The following PLXNA4 variants were observed in gnomAD, a reference collection of about 807,000 sequenced individuals.
PLXNA4 encodes plexin A4, also known as plexin-A4.
A neutral mutation model predicts 191.8 loss-of-function variants in PLXNA4; 44 were observed. That is an observed-to-expected ratio of 0.23 (90% CI 0.18 to 0.29). PLXNA4 has a LOEUF of 0.29. Ranked by LOEUF, PLXNA4 falls within the 10% of genes least tolerant of loss-of-function variation. The probability of loss-of-function intolerance (pLI) is 1.00; values close to 1 mark genes in which losing one functional copy is unlikely to be tolerated. For missense variants in PLXNA4, 1,800 were observed against 2,488.8 expected, an observed-to-expected ratio of 0.72 and a Z score of 5.89; for synonymous variants, 1,082 against 1,009.5, an observed-to-expected ratio of 1.07 and a Z score of -1.36.
chr7:132,301,355 G>A (rs1801299225), intron 3 of PLXNA4, among the ~76,000 whole-genome samples: 1 of 152,158 alleles, frequency 6.6e-6, no homozygotes, highest in African/African-American at 2.4e-5. Context: ...TAGAACAAGA[G>A]CTGTTATTTA....
chr7:132,125,458 TC>T lies in PLXNA4; in HGVS notation c.*5020del, dbSNP rs1486000302. On this transcript the variant is annotated 3_prime_UTR_variant, in exon 32 of 32. Transcript: ENST00000321063. ...CTCCTGTCCTCTGAACCTCTCCTCA[TC>T]CCCTTGGAAGTCATAGGTTTTGCTC... 1 of 151,932 alleles carries T rather than the reference TC, an allele frequency of 6.6e-6. No homozygotes were observed. The highest frequency in any genetic ancestry group is 1.5e-5 in the Non-Finnish European group (1 of 67,976). 9.4% of individuals were successfully genotyped at this position (151,932 alleles called of 1,614,324 possible).
At chr7:132,481,886 G>A (rs1585200391) in intron 3 of PLXNA4, among the ~76,000 whole-genome samples, 1 of 152,224 alleles carries the variant, frequency 6.6e-6, no homozygotes, top group South Asian at 2.1e-4. Context: ...CCCTGGTCCT[G>A]TGGGTGTGGC....
chr7:132,457,131 C>G (rs550150253), intron 3 of PLXNA4, among the ~76,000 whole-genome samples: 2 of 152,290 alleles, frequency 1.3e-5, no homozygotes, highest in African/African-American at 4.8e-5. Context: ...TATCCCACAC[C>G]CAGCTTCCCC....
At chr7:132,162,603 C>T (rs1795982971) in intron 24 of PLXNA4, among the ~76,000 whole-genome samples, 1 of 152,130 alleles carries the variant, frequency 6.6e-6, no homozygotes, top group South Asian at 2.1e-4. Flanking sequence ...ACTTCTATCT[C>T]ATTAAGAAAT....
chr7:132,149,728 G>A (rs13228273), intron 25 of PLXNA4, among the ~76,000 whole-genome samples: 3,719 of 152,268 alleles, frequency 0.024, 58 homozygotes, highest in South Asian at 0.032. Context: ...TCAGAGTGTC[G>A]TTAGTTGCTG....
At chr7:132,343,629 C>T (rs983455357) in intron 3 of PLXNA4, among the ~76,000 whole-genome samples, 1 of 152,206 alleles carries the variant, frequency 6.6e-6, no homozygotes, top group Non-Finnish European at 1.5e-5. Flanking sequence ...CCTTAGAACA[C>T]TCAATGTGGC....
At chr7:132,545,100 A>G (rs1367454857) in intron 1 of PLXNA4, among the ~76,000 whole-genome samples, 1 of 151,824 alleles carries the variant, frequency 6.6e-6, no homozygotes, top group Non-Finnish European at 1.5e-5. Context: ...CTGTACCAGG[A>G]CTCCTCTCCG....
At chr7:132,340,093 T>C (rs1563044980) in intron 3 of PLXNA4, among the ~76,000 whole-genome samples, 1 of 152,182 alleles carries the variant, frequency 6.6e-6, no homozygotes, top group Non-Finnish European at 1.5e-5. Context: ...ATTCTCTAGG[T>C]CTCATTCACA....
At chr7:132,200,439 C>G (rs1797395514) in intron 12 of PLXNA4, among the ~76,000 whole-genome samples, 1 of 152,176 alleles carries the variant, frequency 6.6e-6, no homozygotes. Flanking sequence ...AAGAGGTCCA[C>G]CTGTCCTCCT....
intron 1 of PLXNA4, among the ~76,000 whole-genome samples, chr7:132,549,806 G>A (rs1425676063): frequency 6.6e-6 from 1 of 152,198 alleles, no homozygotes; most frequent in Non-Finnish European, 1.5e-5. Flanking sequence ...GGAGCAGCAT[G>A]GGGGCTAGGA....
At chr7:132,527,786 C>T (rs571610579) in intron 1 of PLXNA4, among the ~76,000 whole-genome samples, 1 of 152,304 alleles carries the variant, frequency 6.6e-6, no homozygotes, top group Non-Finnish European at 1.5e-5. Context: ...ACATGCCAGA[C>T]TCAACCTCCA....
intron 30 of PLXNA4, among the ~76,000 whole-genome samples, chr7:132,137,236 C>G (rs1392041179): frequency 1.3e-5 from 2 of 152,132 alleles, no homozygotes; most frequent in East Asian, 1.9e-4. Flanking sequence ...TTTTTCATGC[C>G]GTGACACACA....
At chr7:132,485,419 A>C (rs1305261097) in intron 3 of PLXNA4, among the ~76,000 whole-genome samples, 11 of 152,224 alleles carry the variant, frequency 7.2e-5, no homozygotes, top group Non-Finnish European at 1.6e-4. Context: ...CACTAATGTC[A>C]GGCAGTAATT....
At chr7:132,276,818 A>G (rs1441582473) in intron 4 of PLXNA4, among the ~76,000 whole-genome samples, 1 of 152,180 alleles carries the variant, frequency 6.6e-6, no homozygotes, top group African/African-American at 2.4e-5. Flanking sequence ...CATATCTGCC[A>G]TGGAAATGGG....
chr7:132,525,046 T>C (rs946534271), intron 1 of PLXNA4, among the ~76,000 whole-genome samples: 3 of 152,146 alleles, frequency 2.0e-5, no homozygotes, highest in Non-Finnish European at 4.4e-5. Flanking sequence ...ACTGAAACCC[T>C]GTACCCATCA....
intron 8 of PLXNA4, 29 bp downstream of exon 8, chr7:132,226,132 G>A (rs11761569): frequency 0.05 from 79,703 of 1,582,976 alleles, 2,382 homozygotes; most frequent in Non-Finnish European, 0.06. Flanking sequence ...CCCCAGGAAC[G>A]GGAAGTGGGT....
At position 132,509,450 on chromosome 7, in the gene PLXNA4, C is replaced by T. The variant is rs930372489; in HGVS notation, c.-86-671G>A. Among the ~76,000 whole-genome samples the T allele has an allele frequency of 3.9e-5, 6 of 152,184 alleles. No homozygotes were observed. In the East Asian group the frequency reaches 1.2e-3, roughly 29 times the overall value. ...CCAAATTTGTATGTGCTGTCTATTA[C>T]CTGCTGGGACCCTGATTGGTAGACC... On this transcript the variant is annotated intron_variant, in intron 1 of 31. Coordinates refer to ENST00000321063, the MANE Select transcript of PLXNA4 (RefSeq NM_020911.2).
intron 3 of PLXNA4, among the ~76,000 whole-genome samples, chr7:132,449,054 A>G (rs1239423812): frequency 1.3e-5 from 2 of 152,234 alleles, no homozygotes; most frequent in Admixed American, 1.3e-4. Flanking sequence ...CCACTGGTTT[A>G]TGATCAGATG....
At chr7:132,423,546 C>T (rs1024688376) in intron 3 of PLXNA4, among the ~76,000 whole-genome samples, 8 of 152,106 alleles carry the variant, frequency 5.3e-5, no homozygotes, top group African/African-American at 1.9e-4. Flanking sequence ...ACATGTATGC[C>T]CATCCAGCTT....
Sources: allele counts gnomAD v4.1 joint callset (sites outside exome capture counted in the v4.1 genomes callset), GRCh38; gene constraint gnomAD v4.1.1; transcripts MANE v1.5; gene names NCBI Gene and HGNC (gene_info 2026-07-23, HGNC 2026-07-21).